PTPRA: variants seen among roughly 807,000 people sequenced by gnomAD.
PTPRA encodes receptor-type tyrosine-protein phosphatase alpha.
PTPRA carries 25 observed loss-of-function variants against 104.8 expected under a neutral mutation model. The ratio of observed to expected loss-of-function variants is 0.24; its 90% CI spans 0.17 to 0.33. PTPRA has a LOEUF of 0.33. Among genes scored for constraint, PTPRA ranks in the 10% least tolerant of loss-of-function variants. The probability of loss-of-function intolerance (pLI) is 1.00; values close to 1 mark genes in which losing one functional copy is unlikely to be tolerated. For missense variants in PTPRA, 765 were observed against 1,015.3 expected, an observed-to-expected ratio of 0.75 and a Z score of 3.35; for synonymous variants, 323 against 368.9, an observed-to-expected ratio of 0.88 and a Z score of 1.43.
intron 1 of PTPRA, among the ~76,000 whole-genome samples, chr20:2,916,681 G>A (rs1417246161): frequency 3.3e-5 from 5 of 152,078 alleles, no homozygotes; most frequent in African/African-American, 9.7e-5. Context: ...CTCCAGCCTG[G>A]GTGACAGAGT....
chr20:3,010,683 G>T (rs1228875861), intron 11 of PTPRA, among the ~76,000 whole-genome samples: 1 of 152,058 alleles, frequency 6.6e-6, no homozygotes, highest in Non-Finnish European at 1.5e-5. Flanking sequence ...CAGCACAGAA[G>T]AGGAACATAT....
intron 1 of PTPRA, among the ~76,000 whole-genome samples, chr20:2,903,621 G>A (rs1017476806): frequency 6.6e-6 from 1 of 152,110 alleles, no homozygotes. Flanking sequence ...CCAGGAATTT[G>A]AGGCTGTGGT....
the PTPRA span, chr20:2,866,195 G>A: frequency 5.6e-6 from 9 of 1,612,700 alleles, no homozygotes; most frequent in Admixed American, 3.3e-5. Context: ...CCCTCCACCC[G>A]CTTCCTCTCC....
intron 9 of PTPRA, among the ~76,000 whole-genome samples, chr20:2,993,234 G>A (rs775891271): frequency 1.9e-4 from 29 of 152,222 alleles, no homozygotes; most frequent in Non-Finnish European, 4.0e-4. Flanking sequence ...TAGCAGGAGA[G>A]GGGTGGTGGG....
At chr20:2,983,381 A>G (rs1489249548) in intron 6 of PTPRA, among the ~76,000 whole-genome samples, 1 of 152,046 alleles carries the variant, frequency 6.6e-6, no homozygotes, top group African/African-American at 2.4e-5. Context: ...GGATAAGGAG[A>G]TTAGATTTCA....
At position 2,873,685 on chromosome 20, in the gene PTPRA, G is replaced by A. The variant is rs2089501828; in HGVS notation, c.-204G>A. ...GGCGGCGGCCCTGAGGGCTAGTGGC[G>A]GCCCGAAACGCCGCCGCGGAGCCGA... On this transcript the variant is annotated 5_prime_UTR_variant, in exon 1 of 24. Transcript: ENST00000399903. This position sits in a 1 kb window ranked among gnomAD's most constrained non-coding sequence, Gnocchi z 4.4. 6.6e-6 allele frequency: 1 copy of A among 150,984 alleles called. No homozygotes were observed. The highest frequency in any genetic ancestry group is 1.5e-5 in the Non-Finnish European group (1 of 67,466). 9.4% of individuals were successfully genotyped at this position (150,984 alleles called of 1,614,324 possible).
chr20:2,889,245 GAA>G (rs1338548038), intron 1 of PTPRA, among the ~76,000 whole-genome samples: 5 of 152,114 alleles, frequency 3.3e-5, no homozygotes, highest in Non-Finnish European at 7.4e-5. Context: ...ATAGAAATAA[GAA>G]TAGTAATTTT....
chr20:2,896,397 C>T (rs1253784705), intron 1 of PTPRA, among the ~76,000 whole-genome samples: 2 of 151,998 alleles, frequency 1.3e-5, no homozygotes, highest in African/African-American at 4.8e-5. Context: ...AAACAAAAAA[C>T]AAACGAAAAC....
chr20:2,970,360 A>G (rs909598624), intron 5 of PTPRA, among the ~76,000 whole-genome samples: 6 of 152,250 alleles, frequency 3.9e-5, no homozygotes. Flanking sequence ...CTATTTTTCT[A>G]AACTCTCTTC....
At chr20:2,956,288 C>T (rs2061532670) in intron 3 of PTPRA, among the ~76,000 whole-genome samples, 1 of 152,150 alleles carries the variant, frequency 6.6e-6, no homozygotes, top group Non-Finnish European at 1.5e-5. Context: ...TTTGGTAGTT[C>T]TTCAGTGTGT....
At chr20:2,963,394 G>A (rs2061827564) in intron 3 of PTPRA, among the ~76,000 whole-genome samples, 2 of 152,096 alleles carry the variant, frequency 1.3e-5, no homozygotes, top group Non-Finnish European at 2.9e-5. Flanking sequence ...CTGGGGTCAG[G>A]AGTTTGAGAC....
chr20:2,996,806 A>G (rs2063414634), intron 9 of PTPRA, among the ~76,000 whole-genome samples: 1 of 152,222 alleles, frequency 6.6e-6, no homozygotes, highest in Admixed American at 6.5e-5. Flanking sequence ...AAAAAGCTTT[A>G]TATCAAATGT....
Position 3,022,215 on chromosome 20 carries a change from C to T in PTPRA, c.1323C>T (p.His441=). The change falls in exon 15 of 24, where the codon CAC becomes CAT. Residue 441 remains histidine (H), a synonymous_variant. Coordinates refer to ENST00000399903, the MANE Select transcript of PTPRA (RefSeq NM_001385305.1). The surrounding 1 kb of genome is among the most constrained non-coding windows in gnomAD (Gnocchi z 4.6). ...AGTATGCAGGGGCCATCGTGGTCCA[C>T]TGCAGGTCAGTGTGGCCTGACCCTT... ...NPQYAGAIVV[H]CSAGVGRTGT... is the part of the protein sequence containing the mutation. The T allele has an allele frequency of 6.2e-7, 1 of 1,614,124 alleles. No homozygotes were observed. The highest frequency in any genetic ancestry group is 8.5e-7 in the Non-Finnish European group (1 of 1,179,994).
intron 9 of PTPRA, among the ~76,000 whole-genome samples, chr20:3,002,231 T>C (rs1419005957): frequency 2.0e-5 from 3 of 152,130 alleles, no homozygotes; most frequent in Non-Finnish European, 4.4e-5. Flanking sequence ...TTTTTTTAAA[T>C]TATTATCAAA....
chr20:3,023,948 AG>A (rs745485498), intron 16 of PTPRA, among the ~76,000 whole-genome samples: 2 of 152,074 alleles, frequency 1.3e-5, no homozygotes, highest in Non-Finnish European at 2.9e-5. Flanking sequence ...AGCACAGAGG[AG>A]GTTGTGGTTT....
chr20:2,883,300 C>T (rs561391764), intron 1 of PTPRA, among the ~76,000 whole-genome samples: 3 of 152,272 alleles, frequency 2.0e-5, no homozygotes, highest in Non-Finnish European at 4.4e-5. Context: ...TAATCTGTCT[C>T]TTCAAGTAAA....
At chr20:2,987,933 C>T (rs371803433) in intron 7 of PTPRA, 99 bp from the exon 8 acceptor site, 27 of 1,159,234 alleles carry the variant, frequency 2.3e-5, no homozygotes, top group African/African-American at 1.5e-4. Context: ...TTTTTAAAGG[C>T]GATTTAGAAA....
chr20:2,915,551 T>C (rs1446531892), intron 1 of PTPRA, among the ~76,000 whole-genome samples: 1 of 152,186 alleles, frequency 6.6e-6, no homozygotes, highest in African/African-American at 2.4e-5. Flanking sequence ...ACACATAGTT[T>C]CTTGCATCCC....
At chr20:2,869,465 A>G (rs2089402217), upstream of PTPRA, among the ~76,000 whole-genome samples, 2 of 152,142 alleles carry the variant, frequency 1.3e-5, no homozygotes, top group South Asian at 4.1e-4. Context: ...TCTTTTTTCA[A>G]ATCCTTGCTT....
Sources: gnomAD v4.1 joint callset for allele counts (sites outside exome capture counted in the v4.1 genomes callset) on GRCh38, gnomAD v4.1.1 for gene constraint, Gnocchi (gnomAD v3.1) non-coding constraint, MANE v1.5 for transcripts, NCBI Gene and HGNC (gene_info 2026-07-23, HGNC 2026-07-21) for gene names.